SPEG: variants seen among roughly 807,000 people sequenced by gnomAD.
SPEG encodes striated muscle preferentially expressed protein kinase.
A neutral mutation model predicts 300.4 loss-of-function variants in SPEG; 114 were observed. That is an observed-to-expected ratio of 0.38 (90% CI 0.33 to 0.44). The LOEUF is 0.44. Among genes scored for constraint, SPEG ranks in the 20% least tolerant of loss-of-function variants. The pLI is 1.00. For missense variants in SPEG, 4,201 were observed against 4,586.2 expected (o/e 0.92, Z 2.43); for synonymous variants, 1,964 against 2,018.9 (o/e 0.97, Z 0.73).
intron 9 of SPEG, chr2:219,466,789 G>A (rs1406882127): frequency 1.5e-5 from 15 of 1,019,474 alleles, no homozygotes; most frequent in Non-Finnish European, 1.8e-5. Context: ...CAGGGGCAGG[G>A]GGCCACTGTA....
intron 18 of SPEG, among the ~76,000 whole-genome samples, chr2:219,475,578 C>T (rs182005085): frequency 6.6e-6 from 1 of 152,288 alleles, no homozygotes; most frequent in Admixed American, 6.5e-5. Flanking sequence ...TCCCTCCTTG[C>T]CTGCCCTGTC....
rs1390187327 is a variant in SPEG at position 219,476,975 on chromosome 2, G to A, written c.4553G>A (p.Trp1518Ter). 1 of 1,609,076 alleles carries A rather than the reference G, an allele frequency of 6.2e-7. No homozygotes were observed. Among genetic ancestry groups the A allele is most frequent in the Non-Finnish European group, 8.5e-7 (1 of 1,177,336 alleles). The change falls in exon 19 of 41, where the codon TGG becomes TAG. Residue 1518 changes from tryptophan to a stop codon, truncating the protein, a stop_gained. Transcript: ENST00000312358. LOFTEE classifies it high-confidence loss of function. ...GGAAAACCACTGCCGGACATCATGTGGTACAAGGTCAGAGTGTGCTGCTGG... is the reference window on the plus strand; with the variant it reads ...GGAAAACCACTGCCGGACATCATGTAGTACAAGGTCAGAGTGTGCTGCTGG... ...VEGKPLPDIM[W>*]YKDEVLLTES...
At position 219,479,056 on chromosome 2, in the gene SPEG, A is replaced by G. The variant is rs1419389748; in HGVS notation, c.5028-88A>G. 8.6e-7 allele frequency: 1 copy of G among 1,167,832 alleles called. No homozygotes were observed. The highest frequency in any genetic ancestry group is 2.4e-5 in the East Asian group (1 of 42,154). 72.3% of individuals were successfully genotyped at this position (1,167,832 alleles called of 1,614,324 possible). ...CAAGCATTCTGTAAGGGGAAGGAGA[A>G]CCCCGTGCTGAGCTGGGACCTGCCC... On this transcript the variant is annotated intron_variant, in intron 22 of 40. Coordinates refer to ENST00000312358, the MANE Select transcript of SPEG (RefSeq NM_005876.5). This position sits in a 1 kb window ranked among gnomAD's most constrained non-coding sequence, Gnocchi z 5.5.
At chr2:219,471,472 G>T (rs1691868356) in intron 13 of SPEG, among the ~76,000 whole-genome samples, 1 of 152,110 alleles carries the variant, frequency 6.6e-6, no homozygotes, top group South Asian at 2.1e-4. Context: ...TAGGGGAGGG[G>T]CCTTGGGAAC....
chr2:219,475,118 TGTA>T (rs1692224641), intron 18 of SPEG, among the ~76,000 whole-genome samples: 1 of 152,042 alleles, frequency 6.6e-6, no homozygotes. Flanking sequence ...CCTTTAAAGA[TGTA>T]GTTTCTCAAA....
chr2:219,481,765 T>C lies in SPEG; in HGVS notation c.5565+85T>C. ...AGCTCTATTTATTGAGTACCTACTG[T>C]GTGCAGTAACCACGTTAGGCATTGT... On this transcript the variant is annotated intron_variant, in intron 28 of 40. Transcript: ENST00000312358. This position sits in a 1 kb window ranked among gnomAD's most constrained non-coding sequence, Gnocchi z 5.4. 8.1e-7 allele frequency: 1 copy of C among 1,235,898 alleles called. No individual in the cohort carries two copies. Among genetic ancestry groups the C allele is most frequent in the Non-Finnish European group, 1.2e-6 (1 of 838,414 alleles). The allele number at this position is 1,235,898 out of a possible 1,614,324, so 76.6% of individuals were successfully genotyped here.
rs769767531 is a variant in SPEG, at chr2:219,448,020, C to T, written c.862C>T (p.Pro288Ser). 6.2e-7 allele frequency: 1 copy of T among 1,612,490 alleles called. No individual in the cohort carries two copies. Among genetic ancestry groups the T allele is most frequent in the Non-Finnish European group, 8.5e-7 (1 of 1,179,894 alleles). ...GCGCAGGGAGGAGCCCGACCTTCAGCCTCAACTGGCCAGCGAAGCCCCACG... is the reference window on the plus strand; with the variant it reads ...GCGCAGGGAGGAGCCCGACCTTCAGTCTCAACTGGCCAGCGAAGCCCCACG... ...GLRREEPDLQ[P>S]QLASEAPRRP... The change falls in exon 4 of 41, where the codon CCT becomes TCT. Residue 288 changes from proline to serine, a missense_variant. This residue lies in a region of SPEG where 1,258 missense variants were observed against 1,293.9 expected (regional missense o/e 0.97). Transcript: ENST00000312358.
intron 4 of SPEG, among the ~76,000 whole-genome samples, 195 bp downstream of exon 4, chr2:219,449,466 C>A (rs1689577806): frequency 6.6e-6 from 1 of 152,214 alleles, no homozygotes; most frequent in South Asian, 2.1e-4. Context: ...AGTCCTTGTG[C>A]TAGGACTGCT....
At position 219,493,055 on chromosome 2, in the gene SPEG, A is replaced by T; in HGVS notation, c.*269A>T. The T allele has an allele frequency of 1.5e-6, 1 of 683,904 alleles. No individual in the cohort carries two copies. The highest frequency in any genetic ancestry group is 2.7e-6 in the Non-Finnish European group (1 of 373,478). The allele number at this position is 683,904 out of a possible 1,614,324, so 42.4% of individuals were successfully genotyped here. On this transcript the variant is annotated 3_prime_UTR_variant, in exon 41 of 41. Transcript: ENST00000312358. The stretch of plus-strand genomic sequence containing the variant: ...GCAGAGGGACAAGAGGGGAATGGAG[A>T]AGTGGAGAGGAAAAGGAATCGAGGG...
chr2:219,491,865 A>G lies in SPEG; in HGVS notation c.9457A>G (p.Ile3153Val). 2 of 1,603,532 alleles carry G rather than the reference A, an allele frequency of 1.2e-6. No individual in the cohort carries two copies. The highest frequency in any genetic ancestry group is 1.7e-6 in the Non-Finnish European group (2 of 1,173,352). ...DIWGAGVLTY[I>V]MLSGRSPFYE... ...CTGGGGAGCGGGTGTGCTCACTTAC[A>G]TTATGTGAGTGTCCCCTACCCCACC... is the stretch of plus-strand genomic sequence containing the variant. Residue 3153 changes from isoleucine (I) to valine (V), a missense_variant, in exon 39 of 41, where the codon ATT becomes GTT. By Grantham distance (29) the Ile-to-Val change is conservative. Coordinates refer to ENST00000312358, the MANE Select transcript of SPEG (RefSeq NM_005876.5).
intron 30 of SPEG, 75 bp downstream of exon 30, chr2:219,485,147 A>G (rs1693271658): frequency 6.6e-7 from 1 of 1,516,902 alleles, no homozygotes; most frequent in Non-Finnish European, 8.9e-7. Context: ...TGGGAGGAGC[A>G]GAGGGCTGGG....
Position 219,444,574 on chromosome 2 carries a change from C to A in SPEG, c.389-79C>A. 1 of 1,225,752 alleles carries A rather than the reference C, an allele frequency of 8.2e-7. No homozygotes were observed. Among genetic ancestry groups the A allele is most frequent in the South Asian group, 1.2e-5 (1 of 80,212 alleles). The allele number at this position is 1,225,752 out of a possible 1,614,324, so 75.9% of individuals were successfully genotyped here. On this transcript the variant is annotated intron_variant, in intron 1 of 40. Transcript: ENST00000312358. This position sits in a 1 kb window ranked among gnomAD's most constrained non-coding sequence, Gnocchi z 7.8. ...GTGATAAGATGGAGCCTGCTGTTGG[C>A]AGGGAGGCAGAAGGCAATAGGGAAG...
chr2:219,480,559 G>T lies in SPEG; in HGVS notation c.5343-112G>T. 9.2e-7 allele frequency: 1 copy of T among 1,087,862 alleles called. No individual in the cohort carries two copies. The highest frequency in any genetic ancestry group is 1.4e-6 in the Non-Finnish European group (1 of 705,974). The allele number at this position is 1,087,862 out of a possible 1,614,324, so 67.4% of individuals were successfully genotyped here. A position where few individuals can be genotyped will look rare whatever the true frequency, so the allele number is the denominator to read the frequency against. On this transcript the variant is annotated intron_variant, in intron 25 of 40. Transcript: ENST00000312358. The surrounding 1 kb of genome is among the most constrained non-coding windows in gnomAD (Gnocchi z 5.3). Reference sequence around the variant, plus strand: ...AGCCACTCCTGTGCCCATTGTCCATGGCAGTGTTCCCAGGGAGGTAACAGC... The same window carrying T: ...AGCCACTCCTGTGCCCATTGTCCATTGCAGTGTTCCCAGGGAGGTAACAGC...
chr2:219,472,560 G>A (rs1691980055), intron 15 of SPEG, among the ~76,000 whole-genome samples: 1 of 152,186 alleles, frequency 6.6e-6, no homozygotes, highest in South Asian at 2.1e-4. Context: ...CATCCTCAGA[G>A]TGGGTGCCTG....
chr2:219,482,763 C>G (rs745326405), intron 28 of SPEG, 21 bp from the exon 29 acceptor site: 4 of 1,612,136 alleles, frequency 2.5e-6, no homozygotes, highest in Non-Finnish European at 2.5e-6. Flanking sequence ...TTCCCTCAAG[C>G]CCTCTTTCCT....
chr2:219,486,436 A>G lies in SPEG; in HGVS notation c.7741+959A>G, dbSNP rs554704074. 1.4e-4 allele frequency among the ~76,000 whole-genome samples: 22 copies of G among 152,182 alleles called. No individual in the cohort carries two copies. In the South Asian group the frequency reaches 4.6e-3, roughly 32 times the overall value. On this transcript the variant is annotated intron_variant, in intron 31 of 40. Transcript: ENST00000312358. ...GTCGAGTCTTGCCTCAGCTGGGCTT[A>G]TAGGGATTGTGTCCAGCCTTGGCCA... is the stretch of plus-strand genomic sequence containing the variant.
Position 219,488,295 on chromosome 2 carries a change from A to G in SPEG, c.7843A>G (p.Ile2615Val), listed in dbSNP as rs192191689. 1.0e-3 allele frequency: 1,669 copies of G among 1,610,036 alleles called. 4 individuals are homozygous for G. Among genetic ancestry groups the G allele is most frequent in the Non-Finnish European group, 1.3e-3 (1,475 of 1,177,848 alleles). The change falls in exon 32 of 41, where the codon ATC becomes GTC. Residue 2615 changes from isoleucine (I) to valine (V), a missense_variant. Physicochemically the swap from Ile to Val is conservative, Grantham distance 29. Transcript: ENST00000312358. ...GCCAGCGGCCTGCCCTGCACCGCAC[A>G]TCTCCTGGATGAAAGGTAAGGAGAC... ...CLPAACPAPH[I>V]SWMKDKKSLR...
Position 219,477,180 on chromosome 2 carries a change from T to C in SPEG, c.4561-97T>C. ...TAAGGGAGGAGCTGACTCTGGGTCC[T>C]GGTGAGAGATGCGCTGCCCAGAGTA... On this transcript the variant is annotated intron_variant, in intron 19 of 40. Transcript: ENST00000312358. The surrounding 1 kb of genome is among the most constrained non-coding windows in gnomAD (Gnocchi z 6.4). 1.8e-6 allele frequency: 1 copy of C among 546,588 alleles called. No individual in the cohort carries two copies. Among genetic ancestry groups the C allele is most frequent in the Non-Finnish European group, 3.0e-6 (1 of 335,572 alleles). The allele number at this position is 546,588 out of a possible 1,614,324, so 33.9% of individuals were successfully genotyped here.
chr2:219,464,722 G>A lies in SPEG; in HGVS notation c.2881+114G>A. 9.4e-7 allele frequency: 1 copy of A among 1,064,570 alleles called. No homozygotes were observed. Among genetic ancestry groups the A allele is most frequent in the Non-Finnish European group, 1.4e-6 (1 of 731,544 alleles). 65.9% of individuals were successfully genotyped at this position (1,064,570 alleles called of 1,614,324 possible). ...ATGCCACCACTGAAAGGGCCTTAAG[G>A]GGCCCCTAGTCCAGCTGCTTATATT... On this transcript the variant is annotated intron_variant, in intron 9 of 40. Coordinates refer to ENST00000312358, the MANE Select transcript of SPEG (RefSeq NM_005876.5). The surrounding 1 kb of genome is among the most constrained non-coding windows in gnomAD (Gnocchi z 4.5).
Sources: gnomAD v4.1 joint callset for allele counts (sites outside exome capture counted in the v4.1 genomes callset) on GRCh38, gnomAD v4.1.1 for gene constraint, gnomAD v4.1.1 regional missense constraint, Gnocchi (gnomAD v3.1) non-coding constraint, MANE v1.5 for transcripts, NCBI Gene and HGNC (gene_info 2026-07-23, HGNC 2026-07-21) for gene names.